The following ALCAM variants were observed in gnomAD, a reference collection of about 807,000 sequenced individuals.
The protein encoded by ALCAM is CD166 antigen.
In ALCAM, 30 loss-of-function variants were observed where a neutral mutation model predicts 70.9. The observed-to-expected ratio is 0.42, with a 90% CI of 0.32 to 0.57. The LOEUF (loss-of-function observed/expected upper bound fraction) is 0.57, where lower values mean the gene tolerates loss of function less well. Among genes scored for constraint, ALCAM ranks in the 20% least tolerant of loss-of-function variants. ALCAM has a pLI of 0.11. For missense variants in ALCAM, 591 were observed against 695.1 expected (o/e 0.85, Z 1.68); for synonymous variants, 249 against 242.5 (o/e 1.03, Z -0.25).
chr3:105,457,683 A>G (rs1182066585), intron 1 of ALCAM, among the ~76,000 whole-genome samples: 1 of 152,170 alleles, frequency 6.6e-6, no homozygotes, highest in Non-Finnish European at 1.5e-5. Context: ...ACTGCTGCCC[A>G]TATGCTGGAA....
At chr3:105,512,049 A>C (rs905167512) in intron 1 of ALCAM, among the ~76,000 whole-genome samples, 1 of 152,036 alleles carries the variant, frequency 6.6e-6, no homozygotes, top group Non-Finnish European at 1.5e-5. Context: ...TGTGAAAACA[A>C]TGATGATCTT....
At chr3:105,507,128 A>G (rs901281) in intron 1 of ALCAM, among the ~76,000 whole-genome samples, 82,755 of 151,912 alleles carry the variant, frequency 0.54, 22,607 homozygotes, top group Admixed American at 0.63. Context: ...TAGTTTATGG[A>G]AAAATTTGAG....
chr3:105,546,498 C>G (rs1478137056), intron 9 of ALCAM, among the ~76,000 whole-genome samples: 1 of 151,388 alleles, frequency 6.6e-6, no homozygotes, highest in Admixed American at 6.6e-5. Flanking sequence ...TGCAATCTAG[C>G]ATGATATGTT....
chr3:105,480,022 G>C (rs1938226099), intron 1 of ALCAM, among the ~76,000 whole-genome samples: 1 of 151,800 alleles, frequency 6.6e-6, no homozygotes, highest in South Asian at 2.1e-4. Flanking sequence ...ACACATTTTG[G>C]CATAATCTGT....
At chr3:105,534,581 C>T in intron 5 of ALCAM, 82 bp from the exon 6 acceptor site, 1 of 1,365,834 alleles carries the variant, frequency 7.3e-7, no homozygotes, top group Non-Finnish European at 1.0e-6. Context: ...AAAAACACTT[C>T]TCAAAGGTGT....
chr3:105,525,872 G>A (rs1425279693), intron 3 of ALCAM, among the ~76,000 whole-genome samples: 2 of 152,170 alleles, frequency 1.3e-5, no homozygotes, highest in Non-Finnish European at 2.9e-5. Flanking sequence ...ATCAAACCAA[G>A]TGCAAACCAA....
intron 1 of ALCAM, among the ~76,000 whole-genome samples, chr3:105,422,076 G>A (rs1349561791): frequency 6.6e-6 from 1 of 151,380 alleles, no homozygotes; most frequent in African/African-American, 2.4e-5. Context: ...CCACTTATAA[G>A]TGAGAACATA....
At chr3:105,508,775 C>T (rs1482245700) in intron 1 of ALCAM, among the ~76,000 whole-genome samples, 5 of 152,106 alleles carry the variant, frequency 3.3e-5, no homozygotes, top group African/African-American at 9.6e-5. Context: ...TTCTACTATA[C>T]AGTACACTAT....
At chr3:105,428,141 C>CCCCA (rs1221035953) in intron 1 of ALCAM, among the ~76,000 whole-genome samples, 1 of 151,948 alleles carries the variant, frequency 6.6e-6, no homozygotes, top group Non-Finnish European at 1.5e-5. Flanking sequence ...CTCTCATATC[C>CCCCA]TGTGTAAATA....
intron 8 of ALCAM, among the ~76,000 whole-genome samples, chr3:105,542,436 A>G (rs941518984): frequency 3.3e-5 from 5 of 151,868 alleles, no homozygotes; most frequent in Non-Finnish European, 7.4e-5. Context: ...ATGACAGTCC[A>G]TATTATTGAT....
In ALCAM at chr3:105,448,444, C is replaced by T. The variant is rs1482683039; in HGVS notation, c.74-71623C>T. 2.0e-5 allele frequency among the ~76,000 whole-genome samples: 3 copies of T among 149,992 alleles called. No individual in the cohort carries two copies. The East Asian group carries it at 5.9e-4, about 29-fold the overall frequency. On this transcript the variant is annotated intron_variant, in intron 1 of 15. Coordinates refer to ENST00000306107, the MANE Select transcript of ALCAM (RefSeq NM_001627.4). The stretch of plus-strand genomic sequence containing the variant: ...TCCAGTAATCTTTCGAATCTTTTTT[C>T]AGCCAACAGCTCTGTAACATCTTGC...
intron 15 of ALCAM, 70 bp downstream of exon 15, chr3:105,572,034 C>T: frequency 3.5e-6 from 3 of 860,532 alleles, no homozygotes; most frequent in Non-Finnish European, 3.5e-6. Flanking sequence ...AAGATGAAGT[C>T]CTTTATGTTA....
intron 14 of ALCAM, among the ~76,000 whole-genome samples, chr3:105,561,917 C>A (rs369149150): frequency 6.6e-6 from 1 of 152,152 alleles, no homozygotes; most frequent in South Asian, 2.1e-4. Flanking sequence ...GTATGGCCAA[C>A]CTGAAAGGCT....
chr3:105,545,768 G>T (rs1421380398), intron 9 of ALCAM, among the ~76,000 whole-genome samples: 2 of 151,400 alleles, frequency 1.3e-5, no homozygotes, highest in Admixed American at 1.3e-4. Context: ...AAATAAATCA[G>T]AAAGCTCATA....
At chr3:105,563,040 A>G (rs1183013507) in intron 14 of ALCAM, among the ~76,000 whole-genome samples, 1 of 152,116 alleles carries the variant, frequency 6.6e-6, no homozygotes, top group South Asian at 2.1e-4. Flanking sequence ...TTCCAACCTC[A>G]GGTGATCCGC....
At chr3:105,524,185 AT>A (rs1939630025) in intron 2 of ALCAM, 103 bp from the exon 3 acceptor site, 2 of 958,346 alleles carry the variant, frequency 2.1e-6, no homozygotes, top group East Asian at 5.3e-5. Flanking sequence ...TAGACAAAAA[AT>A]ATAGATATTG....
chr3:105,477,782 C>G (rs1938161135), intron 1 of ALCAM, among the ~76,000 whole-genome samples: 1 of 151,970 alleles, frequency 6.6e-6, no homozygotes, highest in South Asian at 2.1e-4. Flanking sequence ...GTTTTTTCCA[C>G]TTTTTATATG....
chr3:105,554,463 T>A (rs936395062), intron 14 of ALCAM, among the ~76,000 whole-genome samples: 5 of 151,980 alleles, frequency 3.3e-5, no homozygotes, highest in African/African-American at 9.7e-5. Context: ...AGCCTACTGA[T>A]TCGGTTCAAA....
intron 1 of ALCAM, among the ~76,000 whole-genome samples, chr3:105,469,948 A>G (rs772510230): frequency 6.6e-6 from 1 of 150,862 alleles, no homozygotes; most frequent in South Asian, 2.1e-4. Flanking sequence ...TTTCAAATCT[A>G]TAAACACAGA....
Sources: gnomAD v4.1 joint callset for allele counts (sites outside exome capture counted in the v4.1 genomes callset) on GRCh38, gnomAD v4.1.1 for gene constraint, MANE v1.5 for transcripts, NCBI Gene and HGNC (gene_info 2026-07-23, HGNC 2026-07-21) for gene names.